Variants in PCBP2 observed in about 807,000 individuals in gnomAD.
The protein encoded by PCBP2 is poly(rC) binding protein 2, also known as poly(rC)-binding protein 2.
Under a neutral mutation model 50.1 loss-of-function variants are expected in PCBP2, and 4 were observed. The observed-to-expected ratio is 0.08, with a 90% CI of 0.04 to 0.18. The LOEUF is 0.18. Ranked by LOEUF, PCBP2 falls within the 10% of genes least tolerant of loss-of-function variation. PCBP2 has a pLI of 1.00. For synonymous variants in PCBP2, 179 were observed against 168.0 expected (o/e 1.07, Z -0.51); for missense variants, 161 against 474.3 (o/e 0.34, Z 6.14).
intron 14 of PCBP2, among the ~76,000 whole-genome samples, chr12:53,476,711 C>T (rs1396709847): frequency 6.6e-6 from 1 of 151,850 alleles, no homozygotes; most frequent in Non-Finnish European, 1.5e-5. Flanking sequence ...GTTATTTTGG[C>T]CCCTCCATCC....
In PCBP2 at chr12:53,464,860, G is replaced by T. The variant is rs958590819; in HGVS notation, c.672+8G>T. The T allele has an allele frequency of 6.3e-7, 1 of 1,596,214 alleles. No homozygotes were observed. ...GAGGGACCACCTCTAGAGGTGAGAG[G>T]GGATGTTCAGTCTCCAAGGCTCACT... is the stretch of plus-strand genomic sequence containing the variant. On this transcript the variant is annotated splice_region_variant and intron_variant, in intron 9 of 14. Transcript: ENST00000546463.
intron 8 of PCBP2, among the ~76,000 whole-genome samples, chr12:53,463,499 AAGTATTTACAT>A (rs1241604292): frequency 6.6e-6 from 1 of 152,210 alleles, no homozygotes; most frequent in Non-Finnish European, 1.5e-5. Flanking sequence ...AGAGTATAAC[AAGTATTTACAT>A]AGTATTTACA....
intron 13 of PCBP2, among the ~76,000 whole-genome samples, chr12:53,470,002 TC>T (rs889142723): frequency 1.2e-4 from 18 of 151,764 alleles, no homozygotes; most frequent in African/African-American, 4.1e-4. Context: ...CCCTTCAGCC[TC>T]CCAAAGCGTT....
In PCBP2 at chr12:53,467,852, T is replaced by TAAA; in HGVS notation, c.826+20_826+22dup. ...GGTGAAAGGCTATTGGGGTAATGAT[T>TAAA]AAAAAAAAAAAAATCTGTAGTATTC... On this transcript the variant is annotated intron_variant, in intron 12 of 14. Coordinates refer to ENST00000546463, the MANE Select transcript of PCBP2 (RefSeq NM_031989.5). 3.6e-6 allele frequency: 5 copies of TAAA among 1,372,446 alleles called. No homozygotes were observed. Among genetic ancestry groups the TAAA allele is most frequent in the Non-Finnish European group, 3.0e-6 (3 of 991,456 alleles). 85.0% of individuals were successfully genotyped at this position (1,372,446 alleles called of 1,614,324 possible). A position where few individuals can be genotyped will look rare whatever the true frequency, so the allele number is the denominator to read the frequency against.
intron 6 of PCBP2, chr12:53,460,390 A>G: frequency 2.5e-6 from 1 of 400,762 alleles, no homozygotes; most frequent in Non-Finnish European, 5.0e-6. Flanking sequence ...CGATGATTCG[A>G]CTGCCTTGGT....
chr12:53,460,309 TTTC>T (rs1239857930), intron 6 of PCBP2: 4 of 318,070 alleles, frequency 1.3e-5, no homozygotes, highest in South Asian at 4.7e-5. Context: ...CCGGCTAATT[TTTC>T]TTCTTTCTGT....
intron 14 of PCBP2, chr12:53,475,000 C>T (rs991687785): frequency 1.5e-5 from 7 of 456,498 alleles, no homozygotes; most frequent in Non-Finnish European, 2.6e-5. Flanking sequence ...CTCGCCACAG[C>T]GGGGACCTCC....
chr12:53,477,974 A>G (rs964850996), intron 14 of PCBP2, among the ~76,000 whole-genome samples: 4 of 152,232 alleles, frequency 2.6e-5, no homozygotes, highest in African/African-American at 9.6e-5. Context: ...AAATGAGGGC[A>G]AAGTCTTGCT....
chr12:53,462,161 A>T (rs1450520095), intron 7 of PCBP2, among the ~76,000 whole-genome samples: 1 of 152,242 alleles, frequency 6.6e-6, no homozygotes, highest in Non-Finnish European at 1.5e-5. Context: ...AAAATGTGAG[A>T]TACTAAAAAT....
rs1024149478 is a variant in PCBP2 at position 53,476,781 on chromosome 12, C to G, written c.1053-2625C>G. 6.6e-5 allele frequency among the ~76,000 whole-genome samples: 10 copies of G among 152,288 alleles called. No individual in the cohort carries two copies. The East Asian group carries it at 1.7e-3, about 26-fold the overall frequency. On this transcript the variant is annotated intron_variant, in intron 14 of 14. Coordinates refer to ENST00000546463, the MANE Select transcript of PCBP2 (RefSeq NM_031989.5). The stretch of plus-strand genomic sequence containing the variant: ...AAGTATGCATAAAGGATTAGATGGC[C>G]AAACCTGTCCAGTAAGGAGTTTTAT...
At chr12:53,467,679 T>C (rs1941914569) in intron 11 of PCBP2, 126 bp from the exon 12 acceptor site, 6 of 791,924 alleles carry the variant, frequency 7.6e-6, no homozygotes, top group African/African-American at 1.7e-5. Flanking sequence ...AATTGTGTAG[T>C]GTTTTTTTTG....
At chr12:53,467,105 A>T in intron 10 of PCBP2, 116 bp from the exon 11 acceptor site, 1 of 706,820 alleles carries the variant, frequency 1.4e-6, no homozygotes, top group Non-Finnish European at 2.5e-6. Context: ...CCTCTGTTGT[A>T]GTTTGAGTAG....
chr12:53,454,182 T>C (rs967111134), intron 1 of PCBP2, among the ~76,000 whole-genome samples: 1 of 152,220 alleles, frequency 6.6e-6, no homozygotes, highest in Non-Finnish European at 1.5e-5. Context: ...TTGATCTAAA[T>C]CTTTTAGAAA....
chr12:53,471,619 T>G lies in PCBP2; in HGVS notation c.883-19T>G. On this transcript the variant is annotated intron_variant, in intron 13 of 14. Transcript: ENST00000546463. ...TGCAACTCTAATTCGGTGTGCCTTGTTTTTCTTTCTCCCTTAAGTTGATTG... is the reference window on the plus strand; with the variant it reads ...TGCAACTCTAATTCGGTGTGCCTTGGTTTTCTTTCTCCCTTAAGTTGATTG... 1 of 1,600,784 alleles carries G rather than the reference T, an allele frequency of 6.2e-7. No homozygotes were observed. The highest frequency in any genetic ancestry group is 1.1e-5 in the South Asian group (1 of 89,310).
intron 14 of PCBP2, chr12:53,474,889 C>T (rs1353859963): frequency 6.9e-6 from 3 of 436,274 alleles, no homozygotes; most frequent in Non-Finnish European, 1.4e-5. Context: ...GCTAAACCCT[C>T]CTCCCAGGCA....
chr12:53,467,502 A>G (rs1941903462), intron 11 of PCBP2: 1 of 632,798 alleles, frequency 1.6e-6, no homozygotes, highest in Non-Finnish European at 2.8e-6. Flanking sequence ...AAAGAAAAAA[A>G]AAGCCCTGGA....
Position 53,479,678 on chromosome 12 carries a change from T to TTTTTTTTTGTTTTTTG in PCBP2, c.*241_*242insTTTGTTTTTTGTTTTT, listed in dbSNP as rs1275235575. 1 of 389,152 alleles carries TTTTTTTTTGTTTTTTG rather than the reference T, an allele frequency of 2.6e-6. No individual in the cohort carries two copies. The highest frequency in any genetic ancestry group is 4.6e-6 in the Non-Finnish European group (1 of 218,082). 24.1% of individuals were successfully genotyped at this position (389,152 alleles called of 1,614,324 possible). A position where few individuals can be genotyped will look rare whatever the true frequency, so the allele number is the denominator to read the frequency against. On this transcript the variant is annotated 3_prime_UTR_variant, in exon 15 of 15. Transcript: ENST00000546463. The stretch of plus-strand genomic sequence containing the variant: ...TTTATAAGCTTCTCCCTGGTTTTTT[T>TTTTTTTTTGTTTTTTG]TTTTTGGCTCATGAATTTTTCTGTT...
At chr12:53,467,196 C>T (rs570639623) in intron 10 of PCBP2, 25 bp from the exon 11 acceptor site, 2 of 1,594,316 alleles carry the variant, frequency 1.3e-6, no homozygotes, top group African/African-American at 1.3e-5. Context: ...TCTTCTAATG[C>T]CAACCTCCTG....
intron 14 of PCBP2, among the ~76,000 whole-genome samples, chr12:53,474,463 T>A (rs1055866403): frequency 5.3e-5 from 8 of 152,224 alleles, no homozygotes; most frequent in African/African-American, 1.4e-4. Flanking sequence ...GTGGGATAAT[T>A]GATTTTCTGT....
Sources: gnomAD v4.1 joint callset for allele counts (sites outside exome capture counted in the v4.1 genomes callset) on GRCh38, gnomAD v4.1.1 for gene constraint, MANE v1.5 for transcripts, NCBI Gene and HGNC (gene_info 2026-07-23, HGNC 2026-07-21) for gene names.